The following LRFN5 variants were observed in gnomAD, a reference collection of about 807,000 sequenced individuals.
The protein encoded by LRFN5 is leucine-rich repeat and fibronectin type-III domain-containing protein 5.
A neutral mutation model predicts 45.6 loss-of-function variants in LRFN5; 24 were observed. The ratio of observed to expected loss-of-function variants is 0.53; its 90% confidence interval spans 0.38 to 0.74. LRFN5 has a LOEUF of 0.74. Among genes scored for constraint, LRFN5 ranks in the 30% least tolerant of loss-of-function variants. The pLI is 0.00. For missense variants in LRFN5, 776 were observed against 861.5 expected (o/e 0.90, Z 1.24); for synonymous variants, 340 against 313.8 (o/e 1.08, Z -0.88).
At chr14:41,722,002 G>A (rs1198769299) in intron 1 of LRFN5, among the ~76,000 whole-genome samples, 1 of 151,948 alleles carries the variant, frequency 6.6e-6, no homozygotes, top group Non-Finnish European at 1.5e-5. Context: ...CAAAAATGCC[G>A]ATAATTTGTA....
intron 1 of LRFN5, among the ~76,000 whole-genome samples, chr14:41,646,960 C>T (rs1312640511): frequency 6.6e-6 from 1 of 152,296 alleles, no homozygotes; most frequent in African/African-American, 2.4e-5. Flanking sequence ...GGAGAGTATT[C>T]AGAGAACAAG....
intron 1 of LRFN5, among the ~76,000 whole-genome samples, chr14:41,693,791 C>T (rs1882481887): frequency 2.0e-5 from 3 of 151,948 alleles, no homozygotes; most frequent in Admixed American, 2.0e-4. Flanking sequence ...CTTGCTTAGA[C>T]TCCATATACT....
chr14:41,615,771 C>T (rs1887908454), intron 1 of LRFN5, among the ~76,000 whole-genome samples: 1 of 152,024 alleles, frequency 6.6e-6, no homozygotes, highest in Admixed American at 6.6e-5. Context: ...AACATATATA[C>T]CTCTTTTTTA....
chr14:41,681,456 G>C (rs978518469), intron 1 of LRFN5, among the ~76,000 whole-genome samples: 1 of 152,166 alleles, frequency 6.6e-6, no homozygotes. Context: ...CCAGGGGAGA[G>C]TGGCATGACA....
At chr14:41,842,505 A>T (rs902535717) in intron 2 of LRFN5, among the ~76,000 whole-genome samples, 1 of 151,678 alleles carries the variant, frequency 6.6e-6, no homozygotes, top group Non-Finnish European at 1.5e-5. Context: ...GTCTATTAGT[A>T]TTTGTACATT....
intron 2 of LRFN5, among the ~76,000 whole-genome samples, chr14:41,789,963 A>G (rs34071960): frequency 0.29 from 44,116 of 151,690 alleles, 8,038 homozygotes; most frequent in East Asian, 0.7. Context: ...CATAAAATGC[A>G]TTGGGGACTT....
chr14:41,760,722 G>T (rs182006916), intron 1 of LRFN5, among the ~76,000 whole-genome samples: 37 of 151,552 alleles, frequency 2.4e-4, no homozygotes, highest in African/African-American at 7.3e-4. Flanking sequence ...ATCAGGGAGG[G>T]ATAGAGAGAA....
intron 1 of LRFN5, among the ~76,000 whole-genome samples, chr14:41,735,514 C>A (rs959139388): frequency 2.0e-5 from 3 of 152,160 alleles, no homozygotes; most frequent in Non-Finnish European, 2.9e-5. Context: ...TCAAGCAGTC[C>A]TTCTGCGTCA....
At chr14:41,737,661 T>C (rs866327038) in intron 1 of LRFN5, among the ~76,000 whole-genome samples, 1 of 152,244 alleles carries the variant, frequency 6.6e-6, no homozygotes, top group Middle Eastern at 3.4e-3. Flanking sequence ...AGTCTCAGGA[T>C]ACAAAATCAA....
intron 1 of LRFN5, among the ~76,000 whole-genome samples, chr14:41,696,108 A>G (rs1882598431): frequency 6.6e-6 from 1 of 151,910 alleles, no homozygotes; most frequent in South Asian, 2.1e-4. Context: ...ACTTCAGTGG[A>G]GGAAGTAACT....
intron 1 of LRFN5, 75 bp downstream of exon 1, chr14:41,608,637 G>T (rs1887602562): frequency 1.3e-5 from 2 of 152,624 alleles, no homozygotes; most frequent in South Asian, 4.1e-4. Context: ...TGCATTGCAG[G>T]CTACTTTACT....
At chr14:41,673,708 G>A (rs1881385053) in intron 1 of LRFN5, among the ~76,000 whole-genome samples, 1 of 138,818 alleles carries the variant, frequency 7.2e-6, no homozygotes, top group Non-Finnish European at 1.6e-5. Flanking sequence ...GGGGTGGCTG[G>A]CCGGGCAGAG....
chr14:41,674,972 A>G (rs1351888652), intron 1 of LRFN5, among the ~76,000 whole-genome samples: 4 of 147,286 alleles, frequency 2.7e-5, no homozygotes, highest in Admixed American at 1.3e-4. Flanking sequence ...ACGGGGCGGC[A>G]GGGCAAAGTC....
At chr14:41,697,456 C>A (rs1882661053) in intron 1 of LRFN5, among the ~76,000 whole-genome samples, 1 of 151,662 alleles carries the variant, frequency 6.6e-6, no homozygotes, top group African/African-American at 2.4e-5. Flanking sequence ...TTAAAATATG[C>A]CATCATAATC....
At chr14:41,795,490 T>C (rs1887088598) in intron 2 of LRFN5, among the ~76,000 whole-genome samples, 1 of 152,070 alleles carries the variant, frequency 6.6e-6, no homozygotes, top group East Asian at 1.9e-4. Context: ...ATGTTTATTG[T>C]GGCACTATTA....
intron 2 of LRFN5, among the ~76,000 whole-genome samples, chr14:41,810,357 G>C (rs1444570205): frequency 6.6e-6 from 1 of 151,978 alleles, no homozygotes; most frequent in Admixed American, 6.6e-5. Flanking sequence ...CTGGATGCTT[G>C]TTAAGACACC....
Position 41,626,798 on chromosome 14 carries a change from T to C in LRFN5, c.-197+18236T>C, listed in dbSNP as rs541345439. Among the ~76,000 whole-genome samples, 47 of 152,218 alleles carry C rather than the reference T, an allele frequency of 3.1e-4. 1 individual carries two copies. The highest frequency in any genetic ancestry group is 2.0e-4 in the Admixed American group (3 of 15,278). On this transcript the variant is annotated intron_variant, in intron 1 of 5. Coordinates refer to ENST00000298119, the MANE Select transcript of LRFN5 (RefSeq NM_152447.5). The stretch of plus-strand genomic sequence containing the variant: ...TGTATTCTAATTTACTCTGATGTAT[T>C]AGACAAAGAAACGAAAAGGTTAATA...
intron 2 of LRFN5, among the ~76,000 whole-genome samples, chr14:41,788,614 C>G (rs114669357): frequency 0.015 from 2,261 of 152,082 alleles, 15 homozygotes; most frequent in Middle Eastern, 0.034. Context: ...CCACTGAAGA[C>G]AACTATAAAC....
In LRFN5 at chr14:41,856,659, A is replaced by AATTATTATTATT. The variant is rs1377101488; in HGVS notation, c.-20-29940_-20-29929dup. Among the ~76,000 whole-genome samples the AATTATTATTATT allele has an allele frequency of 3.3e-3, 162 of 49,716 alleles. 15 individuals are homozygous for AATTATTATTATT. The highest frequency in any genetic ancestry group is 0.015 in the Middle Eastern group (1 of 66). 32.6% of individuals were successfully genotyped at this position (49,716 alleles called of 152,430 possible). ...AGTCTTTTGTAATTCTTTCTTTCCT[A>AATTATTATTATT]ATTATTATTATTATTATTTTTTTTT... On this transcript the variant is annotated intron_variant, in intron 2 of 5. Transcript: ENST00000298119.
Sources: allele counts gnomAD v4.1 joint callset (sites outside exome capture counted in the v4.1 genomes callset), GRCh38; gene constraint gnomAD v4.1.1; transcripts MANE v1.5; gene names NCBI Gene and HGNC (gene_info 2026-07-23, HGNC 2026-07-21).